Variants in CPPED1 observed in about 807,000 individuals in gnomAD.
CPPED1 encodes the protein serine/threonine-protein phosphatase CPPED1.
In CPPED1, 28 loss-of-function variants were observed where a neutral mutation model predicts 28.0. The observed-to-expected ratio is 1.00, with a 90% CI of 0.74 to 1.37. CPPED1 has a LOEUF of 1.37. Among genes scored for constraint, CPPED1 ranks in the 40% most tolerant of loss-of-function variants. CPPED1 has a pLI of 0.00. For synonymous variants in CPPED1, 198 were observed against 180.2 expected (o/e 1.10, Z -0.79); for missense variants, 504 against 416.5 (o/e 1.21, Z -1.83).
intron 2 of CPPED1, among the ~76,000 whole-genome samples, chr16:12,706,537 C>T (rs978698786): frequency 7.4e-6 from 1 of 134,870 alleles, no homozygotes; most frequent in African/African-American, 2.8e-5. Flanking sequence ...TTTTCCCAAG[C>T]TTATGTATAA....
intron 2 of CPPED1, among the ~76,000 whole-genome samples, chr16:12,738,282 T>C (rs894198810): frequency 2.0e-5 from 3 of 152,034 alleles, no homozygotes; most frequent in African/African-American, 4.8e-5. Context: ...AACTCAGCTA[T>C]GCAAAAAAAA....
intron 2 of CPPED1, among the ~76,000 whole-genome samples, chr16:12,776,214 A>C (rs915224507): frequency 1.3e-5 from 2 of 152,180 alleles, no homozygotes; most frequent in African/African-American, 4.8e-5. Flanking sequence ...CTTTGAAGGC[A>C]GAAGAAGGAG....
In CPPED1 at chr16:12,682,555, G is replaced by C. The variant is rs1248109104; in HGVS notation, c.716-17440C>G. ...AGTTCTGCTGTTGCTGAGCTGTGTA[G>C]GTGTGGCATGGGCAGCAACATATCT... is the stretch of plus-strand genomic sequence containing the variant. On this transcript the variant is annotated intron_variant, in intron 3 of 3. Transcript: ENST00000381774. This position sits in a 1 kb window ranked among gnomAD's most constrained non-coding sequence, Gnocchi z 6.1. Among the ~76,000 whole-genome samples the C allele has an allele frequency of 2.6e-5, 4 of 152,142 alleles. No individual in the cohort carries two copies. The highest frequency in any genetic ancestry group is 9.7e-5 in the African/African-American group (4 of 41,430).
chr16:12,735,965 T>C (rs548086579), intron 2 of CPPED1, among the ~76,000 whole-genome samples: 5 of 152,152 alleles, frequency 3.3e-5, no homozygotes, highest in Admixed American at 3.3e-4. Flanking sequence ...GAGACCATTA[T>C]GGGCCGTCAC....
chr16:12,700,218 G>A (rs191202845), intron 3 of CPPED1, among the ~76,000 whole-genome samples: 4 of 152,342 alleles, frequency 2.6e-5, no homozygotes, highest in Admixed American at 2.6e-4. Flanking sequence ...AGACCCTTAG[G>A]CCAGTGGCCA....
At chr16:12,746,286 A>T (rs1049830095) in intron 2 of CPPED1, among the ~76,000 whole-genome samples, 6 of 151,434 alleles carry the variant, frequency 4.0e-5, no homozygotes, top group African/African-American at 1.5e-4. Context: ...GAAGCAGGAA[A>T]ATTGCTTGAG....
At position 12,664,568 on chromosome 16, in the gene CPPED1, A is replaced by C; in HGVS notation, c.*318T>G. The C allele has an allele frequency of 8.7e-7, 1 of 1,149,994 alleles. No individual in the cohort carries two copies. The highest frequency in any genetic ancestry group is 1.1e-6 in the Non-Finnish European group (1 of 934,866). The allele number at this position is 1,149,994 out of a possible 1,614,324, so 71.2% of individuals were successfully genotyped here. Reference sequence around the variant, plus strand: ...ATAGGCAGACTTTGACCATATGCTAACCAGAATACAATCCAATTCAAAAGT... The same window carrying C: ...ATAGGCAGACTTTGACCATATGCTACCCAGAATACAATCCAATTCAAAAGT... On this transcript the variant is annotated 3_prime_UTR_variant, in exon 4 of 4. Coordinates refer to ENST00000381774, the MANE Select transcript of CPPED1 (RefSeq NM_018340.3). This position sits in a 1 kb window ranked among gnomAD's most constrained non-coding sequence, Gnocchi z 4.2.
chr16:12,797,483 A>T (rs918784230), intron 1 of CPPED1, among the ~76,000 whole-genome samples: 4 of 151,538 alleles, frequency 2.6e-5, no homozygotes, highest in African/African-American at 9.7e-5. Flanking sequence ...TGAGCCCAGG[A>T]GGGGGAGGCT....
At chr16:12,759,416 G>GT (rs895552723) in intron 2 of CPPED1, 2 of 152,256 alleles carry the variant, frequency 1.3e-5, no homozygotes, top group Non-Finnish European at 2.9e-5. Context: ...CTGGTTCAAG[G>GT]TGAGTCTGAG....
intron 1 of CPPED1, among the ~76,000 whole-genome samples, chr16:12,782,772 G>A (rs1445911628): frequency 2.0e-5 from 3 of 151,988 alleles, no homozygotes; most frequent in Non-Finnish European, 2.9e-5. Flanking sequence ...TTGGGAGGCT[G>A]AGGCACAAGA....
intron 1 of CPPED1, among the ~76,000 whole-genome samples, chr16:12,799,671 G>C (rs1035242503): frequency 3.3e-5 from 5 of 152,234 alleles, no homozygotes; most frequent in African/African-American, 7.2e-5. Context: ...GATGCTAATA[G>C]AGTCAGGACC....
intron 2 of CPPED1, among the ~76,000 whole-genome samples, 177 bp from the exon 3 acceptor site, chr16:12,705,226 G>A (rs112355376): frequency 7.9e-5 from 12 of 152,320 alleles, no homozygotes; most frequent in South Asian, 4.1e-4. Flanking sequence ...CAAGTCCGAC[G>A]GGGGCCTCTG....
At chr16:12,715,565 C>T (rs1357247187) in intron 2 of CPPED1, among the ~76,000 whole-genome samples, 1 of 152,100 alleles carries the variant, frequency 6.6e-6, no homozygotes, top group African/African-American at 2.4e-5. Flanking sequence ...GAGGCTGAGG[C>T]AGGAAAATTG....
intron 3 of CPPED1, among the ~76,000 whole-genome samples, chr16:12,676,177 G>T (rs1408450164): frequency 3.3e-5 from 5 of 152,190 alleles, no homozygotes; most frequent in African/African-American, 1.2e-4. Context: ...GCCCAGGACT[G>T]CCAGGGGACA....
chr16:12,768,864 T>C (rs2080453958), intron 2 of CPPED1, among the ~76,000 whole-genome samples: 1 of 142,796 alleles, frequency 7.0e-6, no homozygotes, highest in Non-Finnish European at 1.6e-5. Flanking sequence ...ATTTTTTCTT[T>C]TTCTTTTTTT....
Position 12,704,648 on chromosome 16 carries a change from A to C in CPPED1, c.691T>G (p.Leu231Val), listed in dbSNP as rs199536895. ...CCTGCGTGGATGAACTTGTCTGCCA[A>C]CTTCTTCCGAGTGGACTTGCTGAGG... The part of the protein sequence containing the change: ...FNLSKSTRKK[L>V]ADKFIHAGVK... The change falls in exon 3 of 4, where the codon TTG (leucine) becomes GTG (valine). Residue 231 changes from leucine (L) to valine (V), a missense_variant. Leu to Val is a conservative substitution (Grantham distance 32). Coordinates refer to ENST00000381774, the MANE Select transcript of CPPED1 (RefSeq NM_018340.3). The C allele has an allele frequency of 7.4e-6, 12 of 1,611,274 alleles. No individual in the cohort carries two copies. In the African/African-American group the frequency reaches 1.6e-4, roughly 22 times the overall value.
intron 3 of CPPED1, among the ~76,000 whole-genome samples, chr16:12,697,833 T>C (rs1221010322): frequency 1.3e-5 from 2 of 152,146 alleles, no homozygotes; most frequent in African/African-American, 2.4e-5. Context: ...GCTTGTGGCC[T>C]GGGTGCAGTG....
intron 2 of CPPED1, among the ~76,000 whole-genome samples, chr16:12,776,136 A>T (rs1380881561): frequency 1.3e-5 from 2 of 152,162 alleles, no homozygotes; most frequent in Non-Finnish European, 2.9e-5. Context: ...AAAGCAGGAG[A>T]ATCAGAGTAA....
intron 2 of CPPED1, among the ~76,000 whole-genome samples, chr16:12,766,277 G>GGAGAGA (rs762583415): frequency 1.6e-3 from 186 of 119,944 alleles, no homozygotes; most frequent in Non-Finnish European, 2.7e-3. Context: ...AGAGAGAGAG[G>GGAGAGA]GAGAGAGAGA....
Sources: gnomAD v4.1 joint callset for allele counts (sites outside exome capture counted in the v4.1 genomes callset) on GRCh38, gnomAD v4.1.1 for gene constraint, Gnocchi (gnomAD v3.1) non-coding constraint, MANE v1.5 for transcripts, NCBI Gene and HGNC (gene_info 2026-07-23, HGNC 2026-07-21) for gene names.